ARB2A: variants seen among roughly 807,000 people sequenced by gnomAD.
The protein encoded by ARB2A is ARB2 cotranscriptional regulator A, also known as cotranscriptional regulator ARB2A.
the ARB2A span, among the ~76,000 whole-genome samples, chr5:93,629,805 A>C: frequency 6.6e-6 from 1 of 152,222 alleles, no homozygotes; most frequent in Non-Finnish European, 1.5e-5. Context: ...TATGTCTATG[A>C]TATTTCCAAA....
At chr5:94,109,137 C>T in the ARB2A span, among the ~76,000 whole-genome samples, 2 of 152,224 alleles carry the variant, frequency 1.3e-5, no homozygotes, top group African/African-American at 2.4e-5. Flanking sequence ...ACAACATGGA[C>T]GAACGTTGGA....
At chr5:94,025,107 A>C in the ARB2A span, among the ~76,000 whole-genome samples, 1 of 152,286 alleles carries the variant, frequency 6.6e-6, no homozygotes. Flanking sequence ...AGGTTCAGAA[A>C]GATAAAAATG....
At chr5:94,101,120 C>A in the ARB2A span, among the ~76,000 whole-genome samples, 2 of 152,050 alleles carry the variant, frequency 1.3e-5, no homozygotes, top group African/African-American at 2.4e-5. Context: ...GAAAAACAAA[C>A]AACCCTATTA....
At chr5:93,756,020 C>A in the ARB2A span, among the ~76,000 whole-genome samples, 1 of 152,168 alleles carries the variant, frequency 6.6e-6, no homozygotes, top group African/African-American at 2.4e-5. Context: ...GACACAGACT[C>A]AGGGCTGTTG....
the ARB2A span, among the ~76,000 whole-genome samples, chr5:93,974,764 A>G: frequency 2.6e-5 from 4 of 152,170 alleles, no homozygotes; most frequent in Non-Finnish European, 5.9e-5. Flanking sequence ...ATAAAAAATG[A>G]ATCATACGAA....
chr5:93,885,725 T>C, the ARB2A span, among the ~76,000 whole-genome samples: 6 of 151,704 alleles, frequency 4.0e-5, no homozygotes, highest in African/African-American at 1.4e-4. Flanking sequence ...ATAATTCTAC[T>C]TTCATTTTCA....
the ARB2A span, among the ~76,000 whole-genome samples, chr5:93,967,169 G>A: frequency 6.6e-6 from 1 of 152,090 alleles, no homozygotes; most frequent in South Asian, 2.1e-4. Flanking sequence ...GATGAAAAAA[G>A]TATTTCTTTC....
At chr5:94,084,139 T>C in the ARB2A span, among the ~76,000 whole-genome samples, 1 of 151,482 alleles carries the variant, frequency 6.6e-6, no homozygotes, top group African/African-American at 2.4e-5. Context: ...CCGGGCATGG[T>C]GGCAGGCACC....
the ARB2A span, among the ~76,000 whole-genome samples, chr5:93,790,276 A>G: frequency 6.6e-6 from 1 of 152,370 alleles, no homozygotes; most frequent in Non-Finnish European, 1.5e-5. Context: ...TAATTATAAT[A>G]GGTCATCCCA....
At chr5:93,761,268 C>T in the ARB2A span, among the ~76,000 whole-genome samples, 377 of 152,228 alleles carry the variant, frequency 2.5e-3, 1 homozygote, top group African/African-American at 8.7e-3. Context: ...TATCCCCTCA[C>T]CCGGGAAGCA....
At chr5:93,904,311 T>C in the ARB2A span, among the ~76,000 whole-genome samples, 2 of 151,896 alleles carry the variant, frequency 1.3e-5, no homozygotes, top group Admixed American at 1.3e-4. Flanking sequence ...CTGATATCTT[T>C]TAAGTAGACT....
chr5:93,722,003 C>T, the ARB2A span, among the ~76,000 whole-genome samples: 1 of 152,142 alleles, frequency 6.6e-6, no homozygotes, highest in African/African-American at 2.4e-5. Flanking sequence ...TTCACCTCAA[C>T]TCACTTTCTC....
the ARB2A span, among the ~76,000 whole-genome samples, chr5:94,069,042 A>ATAGATAGATAGATAGGTAGGTAGG: frequency 7.2e-6 from 1 of 138,354 alleles, no homozygotes; most frequent in African/African-American, 2.7e-5. Flanking sequence ...TCTTAAAAAG[A>ATAGATAGATAGATAGGTAGGTAGG]TAGATAGATA....
the ARB2A span, among the ~76,000 whole-genome samples, chr5:93,768,055 G>T: frequency 6.7e-6 from 1 of 148,810 alleles, no homozygotes; most frequent in African/African-American, 2.5e-5. Flanking sequence ...CACCAACCTG[G>T]ATGAGATTGG....
chr5:93,643,774 G>A, the ARB2A span, among the ~76,000 whole-genome samples: 2 of 152,178 alleles, frequency 1.3e-5, no homozygotes, highest in Admixed American at 6.5e-5. Context: ...GATTACAGGC[G>A]AGAGCCACCA....
At chr5:93,803,443 C>T in the ARB2A span, among the ~76,000 whole-genome samples, 1 of 151,742 alleles carries the variant, frequency 6.6e-6, no homozygotes, top group African/African-American at 2.4e-5. Context: ...AATTCCCTCT[C>T]CTCCCTCACC....
the ARB2A span, among the ~76,000 whole-genome samples, chr5:93,923,204 T>A: frequency 6.6e-6 from 1 of 152,204 alleles, no homozygotes; most frequent in Non-Finnish European, 1.5e-5. Context: ...AATAACATTT[T>A]CTTTTCCATG....
the ARB2A span, among the ~76,000 whole-genome samples, chr5:93,819,185 C>CAAAA: frequency 9.7e-5 from 9 of 93,060 alleles, no homozygotes; most frequent in Non-Finnish European, 1.4e-4. Flanking sequence ...AACTCCGTCT[C>CAAAA]AAAAAAAAAA....
the ARB2A span, among the ~76,000 whole-genome samples, chr5:93,717,440 CT>C: frequency 0.21 from 23,076 of 107,342 alleles, 1,947 homozygotes; most frequent in Middle Eastern, 0.37. Flanking sequence ...ACCACAGTTG[CT>C]TTTTTTTTTT....
Sources: gnomAD v4.1 joint callset for allele counts (sites outside exome capture counted in the v4.1 genomes callset) on GRCh38, gnomAD v4.1.1 for gene constraint, MANE v1.5 for transcripts, NCBI Gene and HGNC (gene_info 2026-07-23, HGNC 2026-07-21) for gene names.